The following NRXN3 variants were observed in gnomAD, a reference collection of about 807,000 sequenced individuals.
The protein encoded by NRXN3 is neurexin 3.
NRXN3 carries 32 observed loss-of-function variants against 137.6 expected under a neutral mutation model. That is an observed-to-expected ratio of 0.23 (90% CI 0.18 to 0.31). NRXN3 has a LOEUF of 0.31. NRXN3 is among the 10% of genes least tolerant of loss of function. The pLI, the probability that NRXN3 is intolerant of heterozygous loss-of-function variation, is 1.00. For missense variants in NRXN3, 1,574 were observed against 2,062.5 expected (o/e 0.76, Z 4.59); for synonymous variants, 798 against 784.5 (o/e 1.02, Z -0.29).
intron 1 of NRXN3, among the ~76,000 whole-genome samples, chr14:78,236,134 C>A (rs564979994): frequency 6.6e-6 from 1 of 152,200 alleles, no homozygotes; most frequent in African/African-American, 2.4e-5. Flanking sequence ...TGAAATATAG[C>A]ATACATAGAG....
intron 19 of NRXN3, among the ~76,000 whole-genome samples, chr14:79,770,269 C>G (rs61992366): frequency 6.6e-6 from 1 of 151,892 alleles, no homozygotes; most frequent in Non-Finnish European, 1.5e-5. Context: ...CTGCACCAAG[C>G]GGACCTAATA....
intron 4 of NRXN3, among the ~76,000 whole-genome samples, chr14:78,598,258 C>G (rs2097174080): frequency 1.3e-5 from 2 of 152,268 alleles, no homozygotes; most frequent in South Asian, 4.1e-4. Context: ...CCCAGCACCC[C>G]CTCAGACTTG....
At chr14:79,155,128 C>T (rs2060145954) in intron 15 of NRXN3, among the ~76,000 whole-genome samples, 1 of 151,912 alleles carries the variant, frequency 6.6e-6, no homozygotes, top group South Asian at 2.1e-4. Context: ...AGCATCCCTT[C>T]TTCACTCTTG....
chr14:79,757,174 T>C (rs560684047), intron 19 of NRXN3, among the ~76,000 whole-genome samples: 138 of 152,320 alleles, frequency 9.1e-4, no homozygotes, highest in Middle Eastern at 3.4e-3. Flanking sequence ...TGCAGCTGTG[T>C]GCAAATTAGT....
intron 8 of NRXN3, among the ~76,000 whole-genome samples, chr14:78,723,813 G>C (rs901979353): frequency 1.3e-5 from 2 of 151,700 alleles, no homozygotes. Context: ...TTTCTTGTGT[G>C]GTGGAAATGA....
At chr14:78,626,807 G>T (rs1248452623) in intron 4 of NRXN3, among the ~76,000 whole-genome samples, 6 of 152,210 alleles carry the variant, frequency 3.9e-5, no homozygotes, top group Non-Finnish European at 7.3e-5. Flanking sequence ...AGAGCACTGA[G>T]GCCTAGAGCA....
chr14:78,601,705 C>T (rs1043773684), intron 4 of NRXN3, among the ~76,000 whole-genome samples: 2 of 152,134 alleles, frequency 1.3e-5, no homozygotes, highest in African/African-American at 4.8e-5. Context: ...CCACCCACCT[C>T]GGCCTCCCAA....
chr14:78,833,947 G>C lies in NRXN3; in HGVS notation c.2275+23603G>C, dbSNP rs186928649. On this transcript the variant is annotated intron_variant, in intron 10 of 20. Transcript: ENST00000335750. ...GACAGCTTATATTTTAGAGGAGACAGGTCATTAGCAACTCAACAAATAAGT... is the reference window on the plus strand; with the variant it reads ...GACAGCTTATATTTTAGAGGAGACACGTCATTAGCAACTCAACAAATAAGT... Among the ~76,000 whole-genome samples the C allele has an allele frequency of 2.6e-5, 4 of 152,266 alleles. 1 individual carries two copies. The East Asian group carries it at 7.7e-4, about 29-fold the overall frequency.
intron 16 of NRXN3, among the ~76,000 whole-genome samples, chr14:79,587,858 G>A (rs1370968724): frequency 1.3e-5 from 2 of 152,276 alleles, no homozygotes. Context: ...GTTTTCATTT[G>A]TAGATATGAC....
At chr14:79,811,581 C>CTTTTTTTTTTTTTTTTTTTTTTTCTT (rs370942970) in intron 20 of NRXN3, among the ~76,000 whole-genome samples, 1 of 116,612 alleles carries the variant, frequency 8.6e-6, no homozygotes, top group African/African-American at 3.2e-5. Flanking sequence ...TTTCTTTTTT[C>CTTTTTTTTTTTTTTTTTTTTTTTCTT]TTTTTTTTTT....
At chr14:79,058,979 T>G (rs1188206105) in intron 15 of NRXN3, among the ~76,000 whole-genome samples, 2 of 152,184 alleles carry the variant, frequency 1.3e-5, no homozygotes, top group Non-Finnish European at 2.9e-5. Flanking sequence ...CTTTTTCTTT[T>G]ATAAATTACC....
rs563176192 is a variant in NRXN3, at chr14:78,718,322, A to AT, written c.2044+3184dup. Reference sequence around the variant, plus strand: ...TTGGTATAACTGGGCCCACACATGAATGGGAGTGTTAGAAAGAAGCACTTG... The same window carrying AT: ...TTGGTATAACTGGGCCCACACATGAATTGGGAGTGTTAGAAAGAAGCACTTG... On this transcript the variant is annotated intron_variant, in intron 8 of 20. Transcript: ENST00000335750. 1.5e-3 allele frequency among the ~76,000 whole-genome samples: 223 copies of AT among 152,258 alleles called. 1 individual carries two copies. Among genetic ancestry groups the AT allele is most frequent in the African/African-American group, 5.2e-3 (215 of 41,558 alleles).
chr14:79,836,253 C>T (rs1357069710), intron 20 of NRXN3, among the ~76,000 whole-genome samples: 1 of 152,148 alleles, frequency 6.6e-6, no homozygotes, highest in African/African-American at 2.4e-5. Flanking sequence ...TGAGCCACAG[C>T]TATTGTTTTG....
At chr14:79,088,636 G>A (rs1465150545) in intron 15 of NRXN3, among the ~76,000 whole-genome samples, 2 of 152,106 alleles carry the variant, frequency 1.3e-5, no homozygotes, top group South Asian at 4.1e-4. Flanking sequence ...GGAAGGATTA[G>A]GTTAGAATAT....
chr14:79,411,977 T>C (rs1361031559), intron 15 of NRXN3, among the ~76,000 whole-genome samples: 2 of 152,116 alleles, frequency 1.3e-5, no homozygotes, highest in Non-Finnish European at 2.9e-5. Flanking sequence ...ATGTGATTGA[T>C]TTTATCTGTG....
chr14:79,489,407 G>A (rs575086070), intron 16 of NRXN3, among the ~76,000 whole-genome samples: 11 of 152,186 alleles, frequency 7.2e-5, no homozygotes, highest in Middle Eastern at 3.4e-3. Context: ...CAATCCAGTC[G>A]GGTGGGCCTC....
At chr14:78,230,271 C>T (rs914975990) in intron 1 of NRXN3, among the ~76,000 whole-genome samples, 8 of 151,974 alleles carry the variant, frequency 5.3e-5, no homozygotes, top group South Asian at 2.1e-4. Flanking sequence ...GCAATCTGCC[C>T]GTCTTGGCCT....
rs775529161 is a variant in NRXN3 at position 78,242,991 on chromosome 14, C to T, written c.-103C>T. The stretch of plus-strand genomic sequence containing the variant: ...TCCTCCTGTGTGCTTTCTGTCCCCC[C>T]ATCTCTGTCTTGTCTTTCCCACTTC... On this transcript the variant is annotated 5_prime_UTR_variant, in exon 2 of 21. Transcript: ENST00000335750. The T allele has an allele frequency of 1.5e-4, 112 of 769,746 alleles. No individual in the cohort carries two copies. Among genetic ancestry groups the T allele is most frequent in the Middle Eastern group, 1.0e-3 (4 of 3,898 alleles). 47.7% of individuals were successfully genotyped at this position (769,746 alleles called of 1,614,324 possible). A position where few individuals can be genotyped will look rare whatever the true frequency, so the allele number is the denominator to read the frequency against.
At chr14:79,102,153 A>G (rs920662322) in intron 15 of NRXN3, among the ~76,000 whole-genome samples, 12 of 152,222 alleles carry the variant, frequency 7.9e-5, no homozygotes, top group African/African-American at 2.6e-4. Context: ...TAAACCACCC[A>G]GTTTGTTATG....
Sources: allele counts gnomAD v4.1 joint callset (sites outside exome capture counted in the v4.1 genomes callset), GRCh38; gene constraint gnomAD v4.1.1; transcripts MANE v1.5; gene names NCBI Gene and HGNC (gene_info 2026-07-23, HGNC 2026-07-21).